Variants in CLSTN3 observed in about 807,000 individuals in gnomAD.
The protein encoded by CLSTN3 is calsyntenin 3.
Under a neutral mutation model 95.9 loss-of-function variants are expected in CLSTN3, and 36 were observed. That is an observed-to-expected ratio of 0.38 (90% CI 0.29 to 0.50). CLSTN3 has a LOEUF of 0.50. Ranked by LOEUF, CLSTN3 falls within the 20% of genes least tolerant of loss-of-function variation. The pLI, the probability that CLSTN3 is intolerant of heterozygous loss-of-function variation, is 0.95. For missense variants in CLSTN3, 1,084 were observed against 1,268.8 expected (o/e 0.85, Z 2.21); for synonymous variants, 481 against 504.0 (o/e 0.95, Z 0.61).
chr12:7,138,272 T>A (rs1471777896), intron 8 of CLSTN3, among the ~76,000 whole-genome samples: 1 of 147,150 alleles, frequency 6.8e-6, no homozygotes, highest in Admixed American at 6.6e-5. Flanking sequence ...ACTTCTGGAT[T>A]TAAAAAAAAA....
intron 12 of CLSTN3, among the ~76,000 whole-genome samples, chr12:7,145,131 C>G (rs972794699): frequency 3.3e-5 from 5 of 152,142 alleles, no homozygotes; most frequent in Non-Finnish European, 7.4e-5. Context: ...AGTTGACATT[C>G]TCTTTGCTGA....
chr12:7,134,101 T>C (rs138583619), intron 3 of CLSTN3, among the ~76,000 whole-genome samples: 479 of 152,268 alleles, frequency 3.1e-3, no homozygotes, highest in Middle Eastern at 0.014. Context: ...TTCAAGGAGA[T>C]GGTTTGTGTT....
chr12:7,137,427 T>G lies in CLSTN3; in HGVS notation c.1210+317T>G. 2.8e-6 allele frequency: 1 copy of G among 352,192 alleles called. No individual in the cohort carries two copies. The highest frequency in any genetic ancestry group is 5.4e-6 in the Non-Finnish European group (1 of 185,994). The allele number at this position is 352,192 out of a possible 1,614,324, so 21.8% of individuals were successfully genotyped here. On this transcript the variant is annotated intron_variant, in intron 7 of 17. Coordinates refer to ENST00000266546, the MANE Select transcript of CLSTN3 (RefSeq NM_014718.4). The surrounding 1 kb of genome is among the most constrained non-coding windows in gnomAD (Gnocchi z 4.4). ...CTCCATTAAAGCCCCTCCATTGCAATGGGAAAGCCTGGGTAATGGTGTGCC... is the reference window on the plus strand; with the variant it reads ...CTCCATTAAAGCCCCTCCATTGCAAGGGGAAAGCCTGGGTAATGGTGTGCC...
In CLSTN3 at chr12:7,141,475, C is replaced by A. The variant is rs1939525180; in HGVS notation, c.1486+71C>A. The A allele has an allele frequency of 2.0e-6, 3 of 1,526,492 alleles. No homozygotes were observed. Among genetic ancestry groups the A allele is most frequent in the Admixed American group, 3.4e-5 (2 of 58,000 alleles). 94.6% of individuals were successfully genotyped at this position (1,526,492 alleles called of 1,614,324 possible). On this transcript the variant is annotated intron_variant, in intron 9 of 17. Coordinates refer to ENST00000266546, the MANE Select transcript of CLSTN3 (RefSeq NM_014718.4). This position sits in a 1 kb window ranked among gnomAD's most constrained non-coding sequence, Gnocchi z 4.1. ...GAGGTAGGCTGGTGAGGAGCAAGGGCAGTCTGACCCAGCAGCTGAGGCCGC... is the reference window on the plus strand; with the variant it reads ...GAGGTAGGCTGGTGAGGAGCAAGGGAAGTCTGACCCAGCAGCTGAGGCCGC...
intron 12 of CLSTN3, among the ~76,000 whole-genome samples, chr12:7,146,623 A>G (rs1939625477): frequency 1.3e-5 from 2 of 151,956 alleles, no homozygotes; most frequent in Non-Finnish European, 2.9e-5. Flanking sequence ...CTCTTATCCT[A>G]GGCAGAACTA....
intron 1 of CLSTN3, 99 bp downstream of exon 1, chr12:7,130,811 C>T: frequency 9.2e-7 from 1 of 1,089,222 alleles, no homozygotes; most frequent in Non-Finnish European, 1.4e-6. Flanking sequence ...TGGCACCTGA[C>T]AGGTGTCTGG....
At position 7,136,066 on chromosome 12, in the gene CLSTN3, A is replaced by C. The variant is rs746852586; in HGVS notation, c.742+113A>C. The stretch of plus-strand genomic sequence containing the variant: ...GCTAGGGCTTGGATGATATTGGGGC[A>C]GGCTTGCAGCTATCTACTCTAGCCG... On this transcript the variant is annotated intron_variant, in intron 5 of 17. Coordinates refer to ENST00000266546, the MANE Select transcript of CLSTN3 (RefSeq NM_014718.4). 178 of 1,497,202 alleles carry C rather than the reference A, an allele frequency of 1.2e-4. No individual in the cohort carries two copies. In the African/African-American group the frequency reaches 2.3e-3, roughly 20 times the overall value. The allele number at this position is 1,497,202 out of a possible 1,614,324, so 92.7% of individuals were successfully genotyped here. A position where few individuals can be genotyped will look rare whatever the true frequency, so the allele number is the denominator to read the frequency against.
At position 7,157,982 on chromosome 12, in the gene CLSTN3, G is replaced by A. The variant is rs1939851191; in HGVS notation, c.2772G>A (p.Gly924=). The part of the protein sequence containing the change: ...NRQSCVTGAV[G]GQQEDEDSSD... ...AGTCCTGTGTGACGGGGGCTGTTGG[G>A]GGCCAGCAGGAGGATGAGGACAGCA... The change falls in exon 18 of 18, where the codon GGG becomes GGA. Residue 924 remains glycine (G), a synonymous_variant. Transcript: ENST00000266546. This position sits in a 1 kb window ranked among gnomAD's most constrained non-coding sequence, Gnocchi z 5.9. 1 of 1,551,356 alleles carries A rather than the reference G, an allele frequency of 6.4e-7. No individual in the cohort carries two copies. The highest frequency in any genetic ancestry group is 2.0e-5 in the Admixed American group (1 of 50,996).
intron 10 of CLSTN3, 132 bp from the exon 11 acceptor site, chr12:7,142,737 G>GTT: frequency 2.7e-5 from 6 of 224,114 alleles, no homozygotes; most frequent in Non-Finnish European, 4.4e-5. Flanking sequence ...TTTTTTTTTG[G>GTT]TTTCCACATT....
In CLSTN3 at chr12:7,133,407, A is replaced by T. The variant is rs1939343011; in HGVS notation, c.188-166A>T. On this transcript the variant is annotated intron_variant, in intron 2 of 17. Transcript: ENST00000266546. This position sits in a 1 kb window ranked among gnomAD's most constrained non-coding sequence, Gnocchi z 4.7. The stretch of plus-strand genomic sequence containing the variant: ...TGGAGGCTCTGGGAGGTTGCTGCTC[A>T]GGGAAGCTGGGCTTAGAGTTGCGTG... Among the ~76,000 whole-genome samples the T allele has an allele frequency of 6.6e-6, 1 of 152,164 alleles. No homozygotes were observed.
At chr12:7,154,792 C>T (rs1056675525) in intron 16 of CLSTN3, among the ~76,000 whole-genome samples, 63 of 151,700 alleles carry the variant, frequency 4.2e-4, no homozygotes, top group African/African-American at 1.5e-3. Flanking sequence ...AGCAATAGGA[C>T]AAAAAGAAAA....
intron 8 of CLSTN3, among the ~76,000 whole-genome samples, chr12:7,139,045 A>G (rs1939481599): frequency 6.6e-6 from 1 of 152,144 alleles, no homozygotes; most frequent in African/African-American, 2.4e-5. Flanking sequence ...ATTCACCCTC[A>G]TTTAATCAAC....
Position 7,133,190 on chromosome 12 carries a change from A to G in CLSTN3, c.187+44A>G. ...TGGCAAGGCAGGGTAGGACAGAGAAAAGTGGGTGGGAGGGCCAAGAGCAAG... is the reference window on the plus strand; with the variant it reads ...TGGCAAGGCAGGGTAGGACAGAGAAGAGTGGGTGGGAGGGCCAAGAGCAAG... On this transcript the variant is annotated intron_variant, in intron 2 of 17. Coordinates refer to ENST00000266546, the MANE Select transcript of CLSTN3 (RefSeq NM_014718.4). The surrounding 1 kb of genome is among the most constrained non-coding windows in gnomAD (Gnocchi z 4.7). The G allele has an allele frequency of 6.2e-7, 1 of 1,608,406 alleles. No homozygotes were observed. Among genetic ancestry groups the G allele is most frequent in the Non-Finnish European group, 8.5e-7 (1 of 1,176,026 alleles).
chr12:7,135,448 A>G lies in CLSTN3; in HGVS notation c.505A>G (p.Ile169Val), dbSNP rs1383794689. 2.5e-6 allele frequency: 4 copies of G among 1,614,100 alleles called. No homozygotes were observed. The highest frequency in any genetic ancestry group is 2.5e-6 in the Non-Finnish European group (3 of 1,180,000). Residue 169 changes from isoleucine (I) to valine (V), a missense_variant, in exon 4 of 18, where the codon ATT (isoleucine) becomes GTT (valine). Physicochemically the swap from Ile to Val is conservative, Grantham distance 29. Transcript: ENST00000266546. The stretch of plus-strand genomic sequence containing the variant: ...CGATCGCATCCTGCGGGTGGAAGCC[A>G]TTGACGGTGACTGCTCCCCCCAGTA... ...LYDRILRVEA[I>V]DGDCSPQYSQ...
chr12:7,154,077 A>G (rs1939771189), intron 16 of CLSTN3, among the ~76,000 whole-genome samples: 1 of 152,182 alleles, frequency 6.6e-6, no homozygotes, highest in Non-Finnish European at 1.5e-5. Flanking sequence ...TTTGACCTGA[A>G]TAGGACACAG....
At chr12:7,145,158 C>T (rs1422354237) in intron 12 of CLSTN3, among the ~76,000 whole-genome samples, 1 of 152,112 alleles carries the variant, frequency 6.6e-6, no homozygotes, top group Non-Finnish European at 1.5e-5. Flanking sequence ...CATCTGAATT[C>T]CTGCTATCTT....
intron 1 of CLSTN3, 175 bp downstream of exon 1, chr12:7,130,887 C>T (rs1217369524): frequency 1.5e-5 from 10 of 652,416 alleles, no homozygotes; most frequent in Non-Finnish European, 2.8e-5. Context: ...CTTTCTCTTC[C>T]CCCAGCTACA....
At chr12:7,142,192 T>C (rs1939538609) in intron 10 of CLSTN3, 53 bp downstream of exon 10, 1 of 1,474,192 alleles carries the variant, frequency 6.8e-7, no homozygotes, top group Non-Finnish European at 9.4e-7. Context: ...TCACTTTCTG[T>C]TCTGAGATCC....
chr12:7,151,608 G>A (rs1288905626), intron 16 of CLSTN3, among the ~76,000 whole-genome samples: 1 of 152,178 alleles, frequency 6.6e-6, no homozygotes, highest in African/African-American at 2.4e-5. Context: ...ACATTCAGAT[G>A]GAGTGCTGCC....
Sources: gnomAD v4.1 joint callset for allele counts (sites outside exome capture counted in the v4.1 genomes callset) on GRCh38, gnomAD v4.1.1 for gene constraint, Gnocchi (gnomAD v3.1) non-coding constraint, MANE v1.5 for transcripts, NCBI Gene and HGNC (gene_info 2026-07-23, HGNC 2026-07-21) for gene names.